MB21D2: variants seen among roughly 807,000 people sequenced by gnomAD.
MB21D2 encodes Mab-21 domain containing 2.
In MB21D2, 9 loss-of-function variants were observed where a neutral mutation model predicts 33.3. The ratio of observed to expected loss-of-function variants is 0.27; its 90% CI spans 0.16 to 0.47. The LOEUF is 0.47. Ranked by LOEUF, MB21D2 falls within the 20% of genes least tolerant of loss-of-function variation. The probability of loss-of-function intolerance (pLI) is 0.99; values close to 1 mark genes in which losing one functional copy is unlikely to be tolerated. For missense variants in MB21D2, 540 were observed against 624.6 expected (o/e 0.86, Z 1.44); for synonymous variants, 241 against 236.3 (o/e 1.02, Z -0.18).
chr3:192,800,152 A>T (rs910022268), intron 1 of MB21D2, among the ~76,000 whole-genome samples: 2 of 151,496 alleles, frequency 1.3e-5, no homozygotes, highest in African/African-American at 4.9e-5. Flanking sequence ...TTGCGCTTAC[A>T]CTCTTCTTTG....
At chr3:192,893,876 A>T (rs1713909564) in intron 1 of MB21D2, among the ~76,000 whole-genome samples, 1 of 152,090 alleles carries the variant, frequency 6.6e-6, no homozygotes, top group African/African-American at 2.4e-5. Context: ...TCTCTACTAC[A>T]TATTTAAAAA....
chr3:192,884,262 T>A (rs1370900371), intron 1 of MB21D2, among the ~76,000 whole-genome samples: 1 of 152,130 alleles, frequency 6.6e-6, no homozygotes, highest in African/African-American at 2.4e-5. Flanking sequence ...TTGTAAATCA[T>A]TCTTTAATTC....
intron 1 of MB21D2, among the ~76,000 whole-genome samples, chr3:192,889,615 A>T (rs916530931): frequency 6.6e-6 from 1 of 152,070 alleles, no homozygotes; most frequent in Non-Finnish European, 1.5e-5. Context: ...AGTTTATCAC[A>T]GGAAGATTTT....
At chr3:192,862,757 G>A (rs756271802) in intron 1 of MB21D2, among the ~76,000 whole-genome samples, 7 of 152,174 alleles carry the variant, frequency 4.6e-5, no homozygotes, top group Non-Finnish European at 1.0e-4. Flanking sequence ...TGGCTGCTGC[G>A]GTCCATTTGG....
At chr3:192,871,739 C>T (rs770655423) in intron 1 of MB21D2, among the ~76,000 whole-genome samples, 12 of 152,026 alleles carry the variant, frequency 7.9e-5, no homozygotes, top group African/African-American at 2.9e-4. Context: ...GCCAAACGGC[C>T]CTTAAAACAG....
chr3:192,887,475 C>T (rs1016325858), intron 1 of MB21D2, among the ~76,000 whole-genome samples: 9 of 151,908 alleles, frequency 5.9e-5, no homozygotes, highest in African/African-American at 1.2e-4. Context: ...CTGTGAAGAT[C>T]GTAATTTTAT....
chr3:192,905,928 A>C (rs1714207210), intron 1 of MB21D2, among the ~76,000 whole-genome samples: 1 of 152,230 alleles, frequency 6.6e-6, no homozygotes, highest in African/African-American at 2.4e-5. Context: ...CACCTCAACC[A>C]TTTAGTGACC....
At chr3:192,827,088 G>A (rs1712190220) in intron 1 of MB21D2, among the ~76,000 whole-genome samples, 1 of 151,966 alleles carries the variant, frequency 6.6e-6, no homozygotes, top group East Asian at 1.9e-4. Flanking sequence ...AGTAGAGACG[G>A]GGTTTCACCA....
In MB21D2 at chr3:192,917,633, G is replaced by T. The variant is rs775794630; in HGVS notation, c.208C>A (p.Leu70Met). The part of the protein sequence containing the change: ...HTAKDFIFSM[L>M]GMVQKLDQKL... Reference sequence around the variant, plus strand: ...CCTCCCCCTTTTTCCTCCTTACCCAGCATGGAAAAGATGAAATCCTTGGCT... The same window carrying T: ...CCTCCCCCTTTTTCCTCCTTACCCATCATGGAAAAGATGAAATCCTTGGCT... The change falls in exon 1 of 2, where the codon CTG becomes ATG. Residue 70 changes from leucine to methionine, a missense_variant. Transcript: ENST00000392452. 4 of 1,613,952 alleles carry T rather than the reference G, an allele frequency of 2.5e-6. No individual in the cohort carries two copies. Among genetic ancestry groups the T allele is most frequent in the Non-Finnish European group, 3.4e-6 (4 of 1,179,942 alleles).
At chr3:192,895,654 TTTTG>T (rs1713949549) in intron 1 of MB21D2, among the ~76,000 whole-genome samples, 1 of 152,232 alleles carries the variant, frequency 6.6e-6, no homozygotes, top group African/African-American at 2.4e-5. Flanking sequence ...AAAATCTAGC[TTTTG>T]TTTATTTATA....
At chr3:192,830,346 C>A (rs780649982) in intron 1 of MB21D2, among the ~76,000 whole-genome samples, 12 of 151,884 alleles carry the variant, frequency 7.9e-5, no homozygotes, top group Non-Finnish European at 1.2e-4. Context: ...TGCATTGACA[C>A]GTTTCATTTT....
intron 1 of MB21D2, among the ~76,000 whole-genome samples, chr3:192,883,489 A>G (rs968979682): frequency 6.6e-6 from 1 of 152,138 alleles, no homozygotes; most frequent in Non-Finnish European, 1.5e-5. Flanking sequence ...ACAGTGGCTG[A>G]AGCGTAGGGA....
intron 1 of MB21D2, among the ~76,000 whole-genome samples, chr3:192,820,860 G>A (rs1475988812): frequency 2.6e-5 from 4 of 152,104 alleles, no homozygotes; most frequent in Non-Finnish European, 5.9e-5. Flanking sequence ...AAACTCTTGG[G>A]CTCAAGCAAT....
intron 1 of MB21D2, among the ~76,000 whole-genome samples, chr3:192,913,831 C>CA (rs1453885061): frequency 1.3e-5 from 2 of 151,346 alleles, no homozygotes; most frequent in East Asian, 1.9e-4. Context: ...GATCCTGTCT[C>CA]AAAAAAAGAG....
At chr3:192,903,033 T>C (rs1200670543) in intron 1 of MB21D2, among the ~76,000 whole-genome samples, 1 of 152,220 alleles carries the variant, frequency 6.6e-6, no homozygotes, top group Non-Finnish European at 1.5e-5. Context: ...ACCTTGCCTA[T>C]GAGGCTATTT....
chr3:192,869,283 A>AAGGAGGGGAGGAGGGGAGGAGGGG (rs1245156766), intron 1 of MB21D2, among the ~76,000 whole-genome samples: 22 of 113,662 alleles, frequency 1.9e-4, no homozygotes, highest in African/African-American at 7.8e-4. Context: ...GGAAGGAAGG[A>AAGGAGGGGAGGAGGGGAGGAGGGG]AGGAGGGGAG....
intron 1 of MB21D2, among the ~76,000 whole-genome samples, chr3:192,883,938 A>G (rs982353666): frequency 2.6e-5 from 4 of 152,252 alleles, no homozygotes; most frequent in Non-Finnish European, 4.4e-5. Flanking sequence ...GCCTGAAGGC[A>G]ACCATCAAAT....
chr3:192,838,221 G>C (rs1275080178), intron 1 of MB21D2, among the ~76,000 whole-genome samples: 1 of 152,160 alleles, frequency 6.6e-6, no homozygotes, highest in Admixed American at 6.5e-5. Context: ...GACATCTTAA[G>C]TGTGCTCATG....
chr3:192,857,553 T>C (rs1712944438), intron 1 of MB21D2, among the ~76,000 whole-genome samples: 2 of 152,182 alleles, frequency 1.3e-5, no homozygotes, highest in African/African-American at 4.8e-5. Flanking sequence ...CGTGCGCATC[T>C]TGCCGAACTT....
Sources: allele counts gnomAD v4.1 joint callset (sites outside exome capture counted in the v4.1 genomes callset), GRCh38; gene constraint gnomAD v4.1.1; transcripts MANE v1.5; gene names NCBI Gene and HGNC (gene_info 2026-07-23, HGNC 2026-07-21).